TECTB: variants seen among roughly 807,000 people sequenced by gnomAD.
TECTB encodes the protein tectorin beta.
TECTB carries 45 observed loss-of-function variants against 43.3 expected under a neutral mutation model. The observed-to-expected ratio is 1.04, with a 90% confidence interval of 0.82 to 1.33. The LOEUF is 1.33. Among genes scored for constraint, TECTB ranks in the 40% most tolerant of loss-of-function variants. TECTB has a pLI of 0.00. For missense variants in TECTB, 399 were observed against 404.7 expected, an observed-to-expected ratio of 0.99 and a Z score of 0.12; for synonymous variants, 169 against 156.7, an observed-to-expected ratio of 1.08 and a Z score of -0.59.
chr10:112,286,019 T>C, intron 3 of TECTB, 52 bp from the exon 4 acceptor site: 2 of 1,608,220 alleles, frequency 1.2e-6, no homozygotes, highest in Admixed American at 1.7e-5. Flanking sequence ...AGAACCCTCA[T>C]TCCCATCGCG....
rs1848565438 is a variant in TECTB, at chr10:112,298,172, A to C, written c.775A>C (p.Lys259Gln). Residue 259 changes from lysine to glutamine, a missense_variant, in exon 8 of 11, where the codon AAG becomes CAG. Coordinates refer to ENST00000646139, the MANE Select transcript of TECTB (RefSeq NM_058222.3). ...FRFQNIPKLS[K>Q]VWLHCETFIC... ...GTTCCAGAACATCCCCAAACTCTCC[A>C]AGGTGTGGTTACACTGTGAGACGTT... 3 of 1,614,088 alleles carry C rather than the reference A, an allele frequency of 1.9e-6. No individual in the cohort carries two copies. In the Admixed American group the frequency reaches 5.0e-5, roughly 27 times the overall value.
chr10:112,283,634 T>C lies in TECTB; in HGVS notation c.-87-14T>C. On this transcript the variant is annotated splice_polypyrimidine_tract_variant and intron_variant, in intron 1 of 10. Coordinates refer to ENST00000646139, the MANE Select transcript of TECTB (RefSeq NM_058222.3). ...TCCCTTGATTTTAACTTTTCATTCATGTTTCTGACTTAGAATGATCGAGGC... is the reference window on the plus strand; with the variant it reads ...TCCCTTGATTTTAACTTTTCATTCACGTTTCTGACTTAGAATGATCGAGGC... 1.9e-6 allele frequency: 2 copies of C among 1,058,860 alleles called. No homozygotes were observed. Among genetic ancestry groups the C allele is most frequent in the Non-Finnish European group, 2.8e-6 (2 of 722,450 alleles). 65.6% of individuals were successfully genotyped at this position (1,058,860 alleles called of 1,614,324 possible).
intron 2 of TECTB, 134 bp downstream of exon 2, chr10:112,283,944 C>A: frequency 1.1e-6 from 1 of 905,828 alleles, no homozygotes; most frequent in Non-Finnish European, 1.6e-6. Context: ...ACTTAAGCAC[C>A]CCCTCCAATA....
At chr10:112,291,239 T>C (rs970840500) in intron 5 of TECTB, among the ~76,000 whole-genome samples, 10 of 151,924 alleles carry the variant, frequency 6.6e-5, no homozygotes, top group South Asian at 6.3e-4. Flanking sequence ...CACTTATAAG[T>C]GAGACCATGC....
chr10:112,304,454 GA>G lies in TECTB; in HGVS notation c.*1143del, dbSNP rs1413724463. 2.0e-5 allele frequency: 3 copies of G among 152,204 alleles called. No individual in the cohort carries two copies. Among genetic ancestry groups the G allele is most frequent in the African/African-American group, 7.2e-5 (3 of 41,450 alleles). 9.4% of individuals were successfully genotyped at this position (152,204 alleles called of 1,614,324 possible). The stretch of plus-strand genomic sequence containing the variant: ...TGATCCAGAATATGCCCATATAAAT[GA>G]TTTACATTGTCAACAAAATACAAAC... On this transcript the variant is annotated 3_prime_UTR_variant, in exon 11 of 11. Coordinates refer to ENST00000646139, the MANE Select transcript of TECTB (RefSeq NM_058222.3).
chr10:112,295,515 G>A (rs960670594), intron 7 of TECTB, among the ~76,000 whole-genome samples: 1 of 152,194 alleles, frequency 6.6e-6, no homozygotes, highest in South Asian at 2.1e-4. Context: ...CTCCTGAGTG[G>A]CCTGGACAGG....
At position 112,286,115 on chromosome 10, in the gene TECTB, T is replaced by A; in HGVS notation, c.312T>A (p.Asn104Lys). The change falls in exon 4 of 11, where the codon AAT becomes AAA. Residue 104 changes from asparagine to lysine, a missense_variant. Physicochemically the swap from Asn to Lys is moderately conservative, Grantham distance 94. Transcript: ENST00000646139. The stretch of plus-strand genomic sequence containing the variant: ...ACTTCTACAGTCACATCGTTTCCAA[T>A]GACACCACAGTGATTGTAAAAAACC... ...IYHFYSHIVS[N>K]DTTVIVKNQP... 6.2e-7 allele frequency: 1 copy of A among 1,614,168 alleles called. No homozygotes were observed.
At chr10:112,291,154 C>T (rs186652723) in intron 5 of TECTB, among the ~76,000 whole-genome samples, 1 of 152,050 alleles carries the variant, frequency 6.6e-6, no homozygotes, top group Non-Finnish European at 1.5e-5. Flanking sequence ...TCTCCCTCCC[C>T]CACCCCACCC....
chr10:112,290,904 T>A (rs17129703), intron 5 of TECTB, among the ~76,000 whole-genome samples: 1 of 152,020 alleles, frequency 6.6e-6, no homozygotes, highest in South Asian at 2.1e-4. Context: ...ATGTCAGAGG[T>A]ACTAGGAAAC....
At chr10:112,300,297 AAGAAAGAAAGAAAGAAAGAAAG>A (rs1368018632) in intron 9 of TECTB, among the ~76,000 whole-genome samples, 174 of 116,238 alleles carry the variant, frequency 1.5e-3, no homozygotes, top group East Asian at 5.4e-3. Context: ...GAAAGAAAGA[AAGAAAGAAAGAAAGAAAGAAAG>A]AGAAAGAAAA....
chr10:112,294,971 G>A lies in TECTB; in HGVS notation c.671+910G>A, dbSNP rs116611920. On this transcript the variant is annotated intron_variant, in intron 7 of 10. Coordinates refer to ENST00000646139, the MANE Select transcript of TECTB (RefSeq NM_058222.3). ...TCTGGATTTGGCTGTTGGAGAAGGA[G>A]GTTTTTGGATAAGGAAATATGGATT... is the stretch of plus-strand genomic sequence containing the variant. 3.2e-3 allele frequency among the ~76,000 whole-genome samples: 492 copies of A among 152,216 alleles called. 7 individuals are homozygous for A. Among genetic ancestry groups the A allele is most frequent in the African/African-American group, 0.011 (468 of 41,518 alleles).
At chr10:112,300,269 AG>A (rs1848592884) in intron 9 of TECTB, among the ~76,000 whole-genome samples, 1 of 35,692 alleles carries the variant, frequency 2.8e-5, no homozygotes, top group South Asian at 8.2e-4. Context: ...AAAGAAAGAA[AG>A]AAAGAAAGAA....
chr10:112,302,032 T>C (rs918803869), intron 9 of TECTB, 69 bp from the exon 10 acceptor site: 3 of 1,576,100 alleles, frequency 1.9e-6, no homozygotes, highest in African/African-American at 1.4e-5. Flanking sequence ...TGTAGAAACA[T>C]CACTCTGAGA....
chr10:112,291,357 C>A (rs913764013), intron 5 of TECTB, among the ~76,000 whole-genome samples: 7 of 152,062 alleles, frequency 4.6e-5, no homozygotes, highest in Non-Finnish European at 8.8e-5. Flanking sequence ...GGGTATATAC[C>A]CAAAAGAATG....
intron 7 of TECTB, among the ~76,000 whole-genome samples, chr10:112,295,303 C>T (rs1181843420): frequency 6.6e-6 from 1 of 152,208 alleles, no homozygotes; most frequent in Non-Finnish European, 1.5e-5. Flanking sequence ...ACTTATACAG[C>T]TCTTACAATA....
At chr10:112,284,875 G>A in intron 3 of TECTB, 150 bp downstream of exon 3, 1 of 680,792 alleles carries the variant, frequency 1.5e-6, no homozygotes, top group Non-Finnish European at 2.2e-6. Flanking sequence ...TGGAATGTTG[G>A]TGTTATTTAA....
intron 10 of TECTB, chr10:112,302,648 G>A: frequency 4.0e-6 from 1 of 251,734 alleles, no homozygotes; most frequent in Non-Finnish European, 7.5e-6. Flanking sequence ...CCAGCAAACA[G>A]CAAACACCCA....
intron 8 of TECTB, among the ~76,000 whole-genome samples, chr10:112,298,816 G>A (rs1008135041): frequency 6.6e-6 from 1 of 152,214 alleles, no homozygotes; most frequent in Admixed American, 6.5e-5. Context: ...TCAAGCCTGA[G>A]AACCACCACT....
At chr10:112,293,911 A>C in intron 6 of TECTB, 67 bp from the exon 7 acceptor site, 1 of 1,605,208 alleles carries the variant, frequency 6.2e-7, no homozygotes, top group South Asian at 1.1e-5. Flanking sequence ...CATACTTTTT[A>C]ATCATCAGAT....
Sources: gnomAD v4.1 joint callset for allele counts (sites outside exome capture counted in the v4.1 genomes callset) on GRCh38, gnomAD v4.1.1 for gene constraint, MANE v1.5 for transcripts, NCBI Gene and HGNC (gene_info 2026-07-23, HGNC 2026-07-21) for gene names.